Variants in SLC2A3 observed in about 807,000 individuals in gnomAD.
The protein encoded by SLC2A3 is solute carrier family 2, facilitated glucose transporter member 3.
In SLC2A3, 21 loss-of-function variants were observed where a neutral mutation model predicts 46.4. The observed-to-expected ratio is 0.45, with a 90% CI of 0.32 to 0.65. The LOEUF (loss-of-function observed/expected upper bound fraction) is 0.65. Among genes scored for constraint, SLC2A3 ranks in the 30% least tolerant of loss-of-function variants. The pLI is 0.04. For synonymous variants in SLC2A3, 213 were observed against 239.4 expected, an observed-to-expected ratio of 0.89 and a Z score of 1.02; for missense variants, 499 against 623.3, an observed-to-expected ratio of 0.80 and a Z score of 2.12.
Position 7,925,862 on chromosome 12 carries a change from A to G in SLC2A3, c.948T>C (p.Thr316=). 6.2e-7 allele frequency: 1 copy of G among 1,612,810 alleles called. No homozygotes were observed. Among genetic ancestry groups the G allele is most frequent in the African/African-American group, 1.3e-5 (1 of 75,014 alleles). ...YATIGAGVVN[T]IFTVVSLFLV... ...AACTTACAGAAACTACAGTGAAGAT[A>G]GTATTAACCACACCCGCGCCGATGG... Residue 316 remains threonine, a synonymous_variant, in exon 7 of 10, where the codon ACT becomes ACC. Transcript: ENST00000075120.
In SLC2A3 at chr12:7,921,319, C is replaced by G; in HGVS notation, c.*94G>C. Reference sequence around the variant, plus strand: ...GAGAAAGGAATTAAGTAGCAGCATTCAGAAGCGTCCTGGGTTCATCCTGAT... The same window carrying G: ...GAGAAAGGAATTAAGTAGCAGCATTGAGAAGCGTCCTGGGTTCATCCTGAT... On this transcript the variant is annotated 3_prime_UTR_variant, in exon 10 of 10. Coordinates refer to ENST00000075120, the MANE Select transcript of SLC2A3 (RefSeq NM_006931.3). The G allele has an allele frequency of 1.3e-6, 2 of 1,590,484 alleles. No individual in the cohort carries two copies. The highest frequency in any genetic ancestry group is 2.3e-5 in the South Asian group (2 of 88,556).
At chr12:7,923,442 A>C (rs1047325046) in intron 8 of SLC2A3, among the ~76,000 whole-genome samples, 1 of 152,044 alleles carries the variant, frequency 6.6e-6, no homozygotes, top group East Asian at 1.9e-4. Flanking sequence ...GGTGAAACAC[A>C]GTCTCTACTA....
chr12:7,934,046 G>C (rs1033614644), intron 1 of SLC2A3, 144 bp from the exon 2 acceptor site: 2 of 702,578 alleles, frequency 2.8e-6, no homozygotes, highest in Non-Finnish European at 4.7e-6. Flanking sequence ...GGTAATTAAT[G>C]GGGAAGACAA....
At chr12:7,930,035 G>T in intron 5 of SLC2A3, 164 bp from the exon 6 acceptor site, 1 of 1,392,990 alleles carries the variant, frequency 7.2e-7, no homozygotes, top group Non-Finnish European at 9.5e-7. Flanking sequence ...GCCCAGGCTG[G>T]AGTGCAATGG....
intron 7 of SLC2A3, 143 bp downstream of exon 7, chr12:7,925,701 A>C (rs1383505817): frequency 1.5e-6 from 1 of 666,080 alleles, no homozygotes; most frequent in East Asian, 2.7e-5. Context: ...ACTACATCCA[A>C]CATTAAATTT....
In SLC2A3 at chr12:7,928,532, G is replaced by A. The variant is rs115907732; in HGVS notation, c.861+1152C>T. Reference sequence around the variant, plus strand: ...TTTGCAGGGCCTGGACTGTGGTGAGGCAGCTAGGGAGTTGCCTCAGGTGCA... The same window carrying A: ...TTTGCAGGGCCTGGACTGTGGTGAGACAGCTAGGGAGTTGCCTCAGGTGCA... On this transcript the variant is annotated intron_variant, in intron 6 of 9. Coordinates refer to ENST00000075120, the MANE Select transcript of SLC2A3 (RefSeq NM_006931.3). Among the ~76,000 whole-genome samples the A allele has an allele frequency of 1.6e-3, 241 of 152,176 alleles. 1 individual carries two copies. Among genetic ancestry groups the A allele is most frequent in the African/African-American group, 5.6e-3 (232 of 41,520 alleles).
intron 3 of SLC2A3, among the ~76,000 whole-genome samples, chr12:7,932,355 T>C (rs1946165091): frequency 6.6e-6 from 1 of 152,032 alleles, no homozygotes; most frequent in African/African-American, 2.4e-5. Flanking sequence ...TTTTTGTATT[T>C]TTGGTAGAGA....
At chr12:7,927,649 TAC>T (rs1289683924) in intron 6 of SLC2A3, among the ~76,000 whole-genome samples, 1 of 152,142 alleles carries the variant, frequency 6.6e-6, no homozygotes, top group Non-Finnish European at 1.5e-5. Flanking sequence ...TCAGGTCTCT[TAC>T]ACAGAGATTC....
In SLC2A3 at chr12:7,925,916, A is replaced by T; in HGVS notation, c.894T>A (p.Asp298Glu). ...CATAGATGGGCTCTTGAACACCTGC[A>T]TCCTTGAAGATTCCTGTTGAGTAAT... ...VFYYSTGIFKDAGVQEPIYAT... is the reference protein window; with the variant it reads ...VFYYSTGIFKEAGVQEPIYAT... The change falls in exon 7 of 10, where the codon GAT becomes GAA. Residue 298 changes from aspartate (D) to glutamate (E), a missense_variant. Asp to Glu is a conservative substitution (Grantham distance 45, BLOSUM62 2). Transcript: ENST00000075120. The T allele has an allele frequency of 6.2e-7, 1 of 1,613,820 alleles. No individual in the cohort carries two copies. Among genetic ancestry groups the T allele is most frequent in the Non-Finnish European group, 8.5e-7 (1 of 1,179,784 alleles).
rs770988255 is a variant in SLC2A3, at chr12:7,931,452, AG to A, written c.302del (p.Ala101ValfsTer13). ...GTCCCATAAAGCAGCCACCAGTGAC[AG>A]CCAACAGGTTGACAATCAGCATTGA... is the stretch of plus-strand genomic sequence containing the variant. ...RNSMLIVNLL[A>X]VTGGCFMGLC... On this transcript the variant is annotated frameshift_variant, in exon 4 of 10. Transcript: ENST00000075120. LOFTEE classifies it high-confidence loss of function. The A allele has an allele frequency of 3.7e-6, 6 of 1,614,198 alleles. No homozygotes were observed. Among genetic ancestry groups the A allele is most frequent in the Non-Finnish European group, 5.1e-6 (6 of 1,180,030 alleles).
rs776371186 is a variant in SLC2A3 at position 7,921,407 on chromosome 12, C to T, written c.*6G>A. ...ATGCCGGGAGGGAGGTGGAAGGAGG[C>T]ACGACTTAGACATTGGTGGTGGTCT... On this transcript the variant is annotated 3_prime_UTR_variant, in exon 10 of 10. Coordinates refer to ENST00000075120, the MANE Select transcript of SLC2A3 (RefSeq NM_006931.3). 4.3e-6 allele frequency: 7 copies of T among 1,613,938 alleles called. No homozygotes were observed. Among genetic ancestry groups the T allele is most frequent in the Middle Eastern group, 1.6e-4 (1 of 6,084 alleles).
rs1035026651 is a variant in SLC2A3 at position 7,930,064 on chromosome 12, C to T, written c.674-193G>A. On this transcript the variant is annotated intron_variant, in intron 5 of 9. Transcript: ENST00000075120. Reference sequence around the variant, plus strand: ...GCAATGGCATGATCTCAGCTCCCTGCAACCTCCACTTCCCGGGTTCACACG... The same window carrying T: ...GCAATGGCATGATCTCAGCTCCCTGTAACCTCCACTTCCCGGGTTCACACG... 7 of 1,193,880 alleles carry T rather than the reference C, an allele frequency of 5.9e-6. No homozygotes were observed. In the African/African-American group the frequency reaches 7.7e-5, roughly 13 times the overall value. 74.0% of individuals were successfully genotyped at this position (1,193,880 alleles called of 1,614,324 possible).
Position 7,922,690 on chromosome 12 carries a change from C to T in SLC2A3, c.1272+131G>A, listed in dbSNP as rs9668489. On this transcript the variant is annotated intron_variant, in intron 9 of 9. Coordinates refer to ENST00000075120, the MANE Select transcript of SLC2A3 (RefSeq NM_006931.3). ...AACTCCTGACCTCAGGTGATCCACCCGCCTCAGCCTCCCACAGTGCTAGGA... is the reference window on the plus strand; with the variant it reads ...AACTCCTGACCTCAGGTGATCCACCTGCCTCAGCCTCCCACAGTGCTAGGA... 1,147,743 of 1,307,150 alleles carry T rather than the reference C, an allele frequency of 0.88. 504,110 individuals are homozygous for T. The highest frequency in any genetic ancestry group is 0.97 in the East Asian group (39,265 of 40,354). 81.0% of individuals were successfully genotyped at this position (1,307,150 alleles called of 1,614,324 possible).
chr12:7,922,570 T>C (rs933816259), intron 9 of SLC2A3, among the ~76,000 whole-genome samples: 5 of 152,016 alleles, frequency 3.3e-5, no homozygotes, highest in African/African-American at 1.2e-4. Flanking sequence ...TAAGCGATTC[T>C]CCTTCCTCGA....
At chr12:7,926,011 A>C in intron 6 of SLC2A3, 63 bp from the exon 7 acceptor site, 2 of 1,402,338 alleles carry the variant, frequency 1.4e-6, no homozygotes, top group Non-Finnish European at 2.0e-6. Flanking sequence ...CAGAACCCTC[A>C]AAAATAAACT....
chr12:7,930,899 C>G (rs1481071601), intron 4 of SLC2A3, among the ~76,000 whole-genome samples: 1 of 150,710 alleles, frequency 6.6e-6, no homozygotes, highest in African/African-American at 2.4e-5. Context: ...CGGGTTCACG[C>G]CATTCTCCCG....
At position 7,925,941 on chromosome 12, in the gene SLC2A3, T is replaced by C. The variant is rs766844520; in HGVS notation, c.869A>G (p.Tyr290Cys). 1.9e-6 allele frequency: 3 copies of C among 1,612,084 alleles called. No homozygotes were observed. Among genetic ancestry groups the C allele is most frequent in the East Asian group, 2.2e-5 (1 of 44,866 alleles). ...ATCCTTGAAGATTCCTGTTGAGTAA[T>C]AGAACACCTAGGAGAAAAGAAAACA... Reference protein sequence around the residue: ...QQLSGINAVFYYSTGIFKDAG... With the variant: ...QQLSGINAVFCYSTGIFKDAG... Residue 290 changes from tyrosine to cysteine, a missense_variant, in exon 7 of 10, where the codon TAT (tyrosine) becomes TGT (cysteine). Coordinates refer to ENST00000075120, the MANE Select transcript of SLC2A3 (RefSeq NM_006931.3).
rs1946033967 is a variant in SLC2A3, at chr12:7,921,279, T to A, written c.*134A>T. The A allele has an allele frequency of 6.5e-7, 1 of 1,539,006 alleles. No individual in the cohort carries two copies. The highest frequency in any genetic ancestry group is 8.8e-7 in the Non-Finnish European group (1 of 1,139,678). On this transcript the variant is annotated 3_prime_UTR_variant, in exon 10 of 10. Coordinates refer to ENST00000075120, the MANE Select transcript of SLC2A3 (RefSeq NM_006931.3). Reference sequence around the variant, plus strand: ...ACAAACCGCAGCCTTGGGGTGCTCATGGAGTGCGTGGGATGAGAAAGGAAT... The same window carrying A: ...ACAAACCGCAGCCTTGGGGTGCTCAAGGAGTGCGTGGGATGAGAAAGGAAT...
intron 5 of SLC2A3, 151 bp downstream of exon 5, chr12:7,930,329 C>CTGAAAATT (rs1946138834): frequency 3.7e-6 from 3 of 809,984 alleles, no homozygotes; most frequent in Non-Finnish European, 5.7e-6. Context: ...TCTTTAGGGG[C>CTGAAAATT]TGAAAATTTT....
Sources: allele counts gnomAD v4.1 joint callset (sites outside exome capture counted in the v4.1 genomes callset), GRCh38; gene constraint gnomAD v4.1.1; transcripts MANE v1.5; gene names NCBI Gene and HGNC (gene_info 2026-07-23, HGNC 2026-07-21).